The following OPALIN variants were observed in gnomAD, a reference collection of about 807,000 sequenced individuals.
OPALIN encodes the protein transmembrane protein 10.
A neutral mutation model predicts 17.8 loss-of-function variants in OPALIN; 15 were observed. The observed-to-expected ratio is 0.84, with a 90% confidence interval of 0.56 to 1.29. OPALIN has a LOEUF of 1.29. OPALIN is among the 50% of genes most tolerant of loss of function. OPALIN has a pLI of 0.00. For missense variants in OPALIN, 170 were observed against 176.0 expected (o/e 0.97, Z 0.19); for synonymous variants, 62 against 63.8 (o/e 0.97, Z 0.14).
chr10:96,353,377 A>C, intron 2 of OPALIN: 1 of 1,606,088 alleles, frequency 6.2e-7, no homozygotes, highest in Non-Finnish European at 8.5e-7. Flanking sequence ...TGGCATTCCC[A>C]GGCTACCCAG....
Position 96,358,995 on chromosome 10 carries a change from T to C in OPALIN, c.-99A>G. On this transcript the variant is annotated 5_prime_UTR_variant, in exon 1 of 6. Coordinates refer to ENST00000371172, the MANE Select transcript of OPALIN (RefSeq NM_033207.5). ...TGTGTCTTTCATTTGTAGGAACAGT[T>C]AACTGACAAAGCTGCAGAGGCAGGC... 1 of 1,422,044 alleles carries C rather than the reference T, an allele frequency of 7.0e-7. No individual in the cohort carries two copies. 88.1% of individuals were successfully genotyped at this position (1,422,044 alleles called of 1,614,324 possible).
intron 4 of OPALIN, among the ~76,000 whole-genome samples, chr10:96,349,329 C>T (rs540129131): frequency 9.8e-5 from 15 of 152,294 alleles, no homozygotes; most frequent in Middle Eastern, 3.4e-3. Context: ...TCTTCATCTC[C>T]TATCTTTCTT....
chr10:96,357,151 C>T lies in OPALIN; in HGVS notation c.3+1743G>A, dbSNP rs987915151. 2.5e-5 allele frequency: 25 copies of T among 984,414 alleles called. No individual in the cohort carries two copies. The African/African-American group carries it at 3.5e-4, about 14-fold the overall frequency. The allele number at this position is 984,414 out of a possible 1,614,324, so 61.0% of individuals were successfully genotyped here. The stretch of plus-strand genomic sequence containing the variant: ...ACGTGCTGCAAGGACACTGGATGGT[C>T]GCTGCACTGAATGCAGCTGCCCAGA... On this transcript the variant is annotated intron_variant, in intron 1 of 5. Transcript: ENST00000371172.
intron 2 of OPALIN, chr10:96,353,387 G>T: frequency 1.2e-6 from 2 of 1,609,210 alleles, no homozygotes; most frequent in Non-Finnish European, 1.7e-6. Flanking sequence ...AGGCTACCCA[G>T]CTGCACTGAA....
In OPALIN at chr10:96,348,308, T is replaced by C. The variant is rs750565600; in HGVS notation, c.230A>G (p.Asp77Gly). The stretch of plus-strand genomic sequence containing the variant: ...TCTTACCTCAGATATCTTGGGATTG[T>C]CATCAATTTCTGAAATTTCACATGG... ...DRPCEISEID[D>G]NPKISENPRR... The change falls in exon 5 of 6, where the codon GAC (aspartate) becomes GGC (glycine). Residue 77 changes from aspartate (D) to glycine (G), a missense_variant. Coordinates refer to ENST00000371172, the MANE Select transcript of OPALIN (RefSeq NM_033207.5). 2.7e-5 allele frequency: 41 copies of C among 1,547,100 alleles called. No homozygotes were observed. The highest frequency in any genetic ancestry group is 3.6e-5 in the Non-Finnish European group (40 of 1,122,376).
At chr10:96,355,879 A>T (rs1337043490) in intron 1 of OPALIN, among the ~76,000 whole-genome samples, 3 of 152,170 alleles carry the variant, frequency 2.0e-5, no homozygotes, top group Non-Finnish European at 4.4e-5. Context: ...CCCCTCACTT[A>T]GTAGATGGTC....
At chr10:96,352,125 A>C (rs540600535) in intron 2 of OPALIN, among the ~76,000 whole-genome samples, 5 of 151,808 alleles carry the variant, frequency 3.3e-5, no homozygotes, top group African/African-American at 9.7e-5. Flanking sequence ...AAGGGGTTGC[A>C]TGTCTCTATC....
At chr10:96,349,390 A>G (rs1845475723) in intron 4 of OPALIN, among the ~76,000 whole-genome samples, 1 of 152,124 alleles carries the variant, frequency 6.6e-6, no homozygotes, top group South Asian at 2.1e-4. Context: ...TTGTTTCTCA[A>G]CTTTAGAAAG....
Position 96,349,214 on chromosome 10 carries a change from G to C in OPALIN, c.192+493C>G, listed in dbSNP as rs1272975740. On this transcript the variant is annotated intron_variant, in intron 4 of 5. Coordinates refer to ENST00000371172, the MANE Select transcript of OPALIN (RefSeq NM_033207.5). Reference sequence around the variant, plus strand: ...AGTCTAGGTGGCTTTTGATTTCTAAGCATAGTCCCCAGAACAGTCTGGCAT... The same window carrying C: ...AGTCTAGGTGGCTTTTGATTTCTAACCATAGTCCCCAGAACAGTCTGGCAT... 5.3e-5 allele frequency among the ~76,000 whole-genome samples: 8 copies of C among 152,292 alleles called. No homozygotes were observed. In the East Asian group the frequency reaches 1.5e-3, roughly 29 times the overall value.
At chr10:96,354,989 CAGGAGG>C (rs1845744349) in intron 2 of OPALIN, among the ~76,000 whole-genome samples, 1 of 150,996 alleles carries the variant, frequency 6.6e-6, no homozygotes, top group Non-Finnish European at 1.5e-5. Context: ...CCCAGCTACT[CAGGAGG>C]CTGAGGCAGG....
At chr10:96,353,325 G>A (rs1235798404) in intron 2 of OPALIN, 10 of 1,555,250 alleles carry the variant, frequency 6.4e-6, no homozygotes, top group Non-Finnish European at 8.8e-6. Flanking sequence ...TTCCCGCAGA[G>A]AGGGATCCAG....
intron 4 of OPALIN, 104 bp from the exon 5 acceptor site, chr10:96,348,449 A>C (rs1425406852): frequency 3.5e-6 from 2 of 568,600 alleles, no homozygotes; most frequent in African/African-American, 3.8e-5. Flanking sequence ...TTTAAATCTG[A>C]GTGTACATTA....
intron 4 of OPALIN, 115 bp downstream of exon 4, chr10:96,349,592 T>C (rs974569326): frequency 8.3e-7 from 1 of 1,206,918 alleles, no homozygotes; most frequent in South Asian, 1.6e-5. Context: ...TTCCAGCATC[T>C]TGTCCTCAGG....
At chr10:96,354,379 GA>G (rs1564885908) in intron 2 of OPALIN, among the ~76,000 whole-genome samples, 1 of 152,128 alleles carries the variant, frequency 6.6e-6, no homozygotes, top group Non-Finnish European at 1.5e-5. Context: ...TACATACAAG[GA>G]AATTATCTTA....
At chr10:96,350,943 GA>G (rs1308985009) in intron 3 of OPALIN, among the ~76,000 whole-genome samples, 3 of 151,938 alleles carry the variant, frequency 2.0e-5, no homozygotes, top group African/African-American at 7.3e-5. Flanking sequence ...TAAAGTATAT[GA>G]ATCACAAATA....
chr10:96,347,597 G>A lies in OPALIN; in HGVS notation c.249+692C>T, dbSNP rs184721198. 2.9e-3 allele frequency among the ~76,000 whole-genome samples: 433 copies of A among 150,780 alleles called. 3 individuals are homozygous for A. Among genetic ancestry groups the A allele is most frequent in the Admixed American group, 5.8e-3 (87 of 15,110 alleles). ...AGCGATTCTCTTCCCTCAGCCTCCC[G>A]AGTAGCTGGGATTACAGACGACCGC... On this transcript the variant is annotated intron_variant, in intron 5 of 5. Coordinates refer to ENST00000371172, the MANE Select transcript of OPALIN (RefSeq NM_033207.5).
At position 96,355,096 on chromosome 10, in the gene OPALIN, CAAAAAAAAAAAAAAAAAAAAAAAAAAA is replaced by C. The variant is rs56995726; in HGVS notation, c.39+132_39+158del. ...TGGGTGACAGAGCAAGACCTTGTCT[CAAAAAAAAAAAAAAAAAAAAAAAAAAA>C]AAAAAAAAAAAAAGAAAGTCTGTGT... is the stretch of plus-strand genomic sequence containing the variant. On this transcript the variant is annotated intron_variant, in intron 2 of 5. Coordinates refer to ENST00000371172, the MANE Select transcript of OPALIN (RefSeq NM_033207.5). Among the ~76,000 whole-genome samples, 13 of 45,208 alleles carry C rather than the reference CAAAAAAAAAAAAAAAAAAAAAAAAAAA, an allele frequency of 2.9e-4. No individual in the cohort carries two copies. In the South Asian group the frequency reaches 3.4e-3, roughly 12 times the overall value. 29.7% of individuals were successfully genotyped at this position (45,208 alleles called of 152,430 possible).
chr10:96,349,432 G>A (rs1286534778), intron 4 of OPALIN, among the ~76,000 whole-genome samples: 1 of 152,158 alleles, frequency 6.6e-6, no homozygotes, highest in Non-Finnish European at 1.5e-5. Flanking sequence ...TGTTTGCCAT[G>A]GCAACAGACA....
Position 96,355,957 on chromosome 10 carries a change from G to A in OPALIN, c.4-667C>T, listed in dbSNP as rs776542116. On this transcript the variant is annotated intron_variant, in intron 1 of 5. Coordinates refer to ENST00000371172, the MANE Select transcript of OPALIN (RefSeq NM_033207.5). ...GGCTCAGTGGAGCACCAAGTAGCCT[G>A]CCCAGGGCCTCAGGTGGCTCCTTTC... Among the ~76,000 whole-genome samples, 5 of 152,312 alleles carry A rather than the reference G, an allele frequency of 3.3e-5. No homozygotes were observed. The East Asian group carries it at 7.7e-4, about 24-fold the overall frequency.
Sources: allele counts gnomAD v4.1 joint callset (sites outside exome capture counted in the v4.1 genomes callset), GRCh38; gene constraint gnomAD v4.1.1; transcripts MANE v1.5; gene names NCBI Gene and HGNC (gene_info 2026-07-23, HGNC 2026-07-21).